Variants in CPNE3 observed in about 807,000 individuals in gnomAD.
CPNE3 encodes copine-3.
A neutral mutation model predicts 63.9 loss-of-function variants in CPNE3; 68 were observed. That is an observed-to-expected ratio of 1.06 (90% CI 0.87 to 1.30). The LOEUF (loss-of-function observed/expected upper bound fraction) is 1.30. Ranked by LOEUF, CPNE3 falls within the 50% of genes most tolerant of loss-of-function variation. The pLI is 0.00. For synonymous variants in CPNE3, 219 were observed against 197.5 expected (o/e 1.11, Z -0.91); for missense variants, 665 against 578.1 (o/e 1.15, Z -1.54).
rs869225401 is a variant in CPNE3 at position 86,527,946 on chromosome 8, ATTT to A, written c.-10-567_-10-565del. Among the ~76,000 whole-genome samples the A allele has an allele frequency of 3.8e-3, 326 of 85,966 alleles. 7 individuals carry two copies. The highest frequency in any genetic ancestry group is 0.017 in the African/African-American group (298 of 17,652). 56.4% of individuals were successfully genotyped at this position (85,966 alleles called of 152,430 possible). On this transcript the variant is annotated intron_variant, in intron 2 of 16. Coordinates refer to ENST00000517490, the MANE Select transcript of CPNE3 (RefSeq NM_003909.5). ...AAATTTATAGTTAAGGTAAAAAGAA[ATTT>A]TTTTTTTTTTTTTTTTTTTTTTAGA...
chr8:86,520,876 C>T (rs1389137381), intron 2 of CPNE3, among the ~76,000 whole-genome samples: 1 of 152,072 alleles, frequency 6.6e-6, no homozygotes, highest in Non-Finnish European at 1.5e-5. Context: ...TGGTCTCAAA[C>T]TCCTGACCTC....
intron 14 of CPNE3, among the ~76,000 whole-genome samples, chr8:86,552,862 G>A (rs62510846): frequency 0.27 from 30,717 of 112,740 alleles, 5,772 homozygotes; most frequent in Non-Finnish European, 0.4. Context: ...TTTTCGAGAC[G>A]AAGTCTTGCT....
At chr8:86,515,435 G>A (rs1370089466) in intron 1 of CPNE3, 27 bp from the exon 2 acceptor site, 1 of 152,186 alleles carries the variant, frequency 6.6e-6, no homozygotes, top group Non-Finnish European at 1.5e-5. Flanking sequence ...ACTTATTAAA[G>A]TGATGTTACT....
chr8:86,531,304 G>A (rs1027936909), intron 5 of CPNE3, 75 bp downstream of exon 5: 4 of 777,420 alleles, frequency 5.1e-6, no homozygotes, highest in Non-Finnish European at 6.9e-6. Flanking sequence ...CCATATCAGA[G>A]AAATATTCTA....
intron 1 of CPNE3, chr8:86,514,839 C>T (rs1434721597): frequency 1.3e-5 from 2 of 152,330 alleles, no homozygotes; most frequent in Non-Finnish European, 2.9e-5. Flanking sequence ...CCGCCTGGGC[C>T]TGGCGCTCGC....
intron 6 of CPNE3, 53 bp from the exon 7 acceptor site, chr8:86,537,510 T>C (rs1432492053): frequency 9.1e-7 from 1 of 1,093,382 alleles, no homozygotes; most frequent in East Asian, 2.4e-5. Context: ...TCACACATGG[T>C]TTCATGGGTT....
intron 6 of CPNE3, among the ~76,000 whole-genome samples, chr8:86,534,472 A>G (rs569935815): frequency 1.3e-5 from 2 of 152,296 alleles, no homozygotes; most frequent in South Asian, 2.1e-4. Context: ...CCTGGCCAAC[A>G]TGGTGAAACA....
At chr8:86,517,078 C>T (rs1360637162) in intron 2 of CPNE3, among the ~76,000 whole-genome samples, 1 of 152,176 alleles carries the variant, frequency 6.6e-6, no homozygotes, top group African/African-American at 2.4e-5. Flanking sequence ...AATCTAGCTT[C>T]CTTCCCACCA....
At chr8:86,532,001 T>C (rs1820694708) in intron 5 of CPNE3, among the ~76,000 whole-genome samples, 1 of 152,206 alleles carries the variant, frequency 6.6e-6, no homozygotes, top group Non-Finnish European at 1.5e-5. Context: ...GTTCAGGGTG[T>C]TGATTTTTGT....
Position 86,546,665 on chromosome 8 carries a change from G to T in CPNE3, c.803G>T (p.Ser268Ile), listed in dbSNP as rs781548513. ...KKSYKNSGVI[S>I]VKQCEITVEC... ...AGCTACAAGAATTCAGGTGTTATCAGTGTGAAACAGTGTGAGGTCCGTTGG... is the reference window on the plus strand; with the variant it reads ...AGCTACAAGAATTCAGGTGTTATCATTGTGAAACAGTGTGAGGTCCGTTGG... Residue 268 changes from serine (S) to isoleucine (I), a missense_variant, in exon 10 of 17, where the codon AGT (serine) becomes ATT (isoleucine). Transcript: ENST00000517490. The T allele has an allele frequency of 2.5e-6, 4 of 1,610,946 alleles. No homozygotes were observed. The highest frequency in any genetic ancestry group is 1.7e-5 in the Admixed American group (1 of 59,372).
intron 7 of CPNE3, among the ~76,000 whole-genome samples, chr8:86,539,660 GTTT>G (rs369540210): frequency 9.2e-6 from 1 of 108,152 alleles, no homozygotes; most frequent in Non-Finnish European, 1.8e-5. Flanking sequence ...ATCCTCCGCA[GTTT>G]TTTTTTTTTT....
At chr8:86,551,585 TA>T (rs1277996060) in intron 14 of CPNE3, 1 of 166,858 alleles carries the variant, frequency 6.0e-6, no homozygotes, top group Non-Finnish European at 1.3e-5. Context: ...TAAATTTATT[TA>T]AAAACAAACC....
At chr8:86,525,722 T>C (rs1359791979) in intron 2 of CPNE3, among the ~76,000 whole-genome samples, 1 of 152,212 alleles carries the variant, frequency 6.6e-6, no homozygotes, top group Non-Finnish European at 1.5e-5. Context: ...TGTTGAATTC[T>C]TCCCATCCTT....
At chr8:86,557,909 T>C (rs7462327) in intron 16 of CPNE3, among the ~76,000 whole-genome samples, 127,149 of 152,120 alleles carry the variant, frequency 0.84, 53,888 homozygotes, top group African/African-American at 0.92. Flanking sequence ...GAAGGGTGCA[T>C]GGTACCTTTC....
At chr8:86,539,117 A>G (rs1820870664) in intron 7 of CPNE3, among the ~76,000 whole-genome samples, 1 of 152,188 alleles carries the variant, frequency 6.6e-6, no homozygotes, top group African/African-American at 2.4e-5. Context: ...ATCATTATAA[A>G]TTCATGGATT....
At chr8:86,537,751 C>T in intron 7 of CPNE3, 105 bp downstream of exon 7, 1 of 720,122 alleles carries the variant, frequency 1.4e-6, no homozygotes. Context: ...TGAGTTCATA[C>T]TTACATATAG....
rs547156074 is a variant in CPNE3 at position 86,539,383 on chromosome 8, C to G, written c.544-862C>G. On this transcript the variant is annotated intron_variant, in intron 7 of 16. Transcript: ENST00000517490. Reference sequence around the variant, plus strand: ...GCAAGAGGGTAGTAGTATTTAGACACTGACATCTGAGTGCTGAATGTGCTC... The same window carrying G: ...GCAAGAGGGTAGTAGTATTTAGACAGTGACATCTGAGTGCTGAATGTGCTC... Among the ~76,000 whole-genome samples, 8 of 152,328 alleles carry G rather than the reference C, an allele frequency of 5.3e-5. No homozygotes were observed. In the East Asian group the frequency reaches 1.5e-3, roughly 29 times the overall value.
At chr8:86,556,437 A>ATG in intron 16 of CPNE3, 99 bp downstream of exon 16, 1 of 775,214 alleles carries the variant, frequency 1.3e-6, no homozygotes, top group Non-Finnish European at 2.3e-6. Flanking sequence ...GGGTTAGAGG[A>ATG]TGTGTGAACA....
intron 4 of CPNE3, among the ~76,000 whole-genome samples, chr8:86,530,010 C>T (rs1015994413): frequency 6.6e-6 from 1 of 151,976 alleles, no homozygotes; most frequent in African/African-American, 2.4e-5. Context: ...AAAAAAATCC[C>T]AGTGTAGCTA....
Sources: gnomAD v4.1 joint callset for allele counts (sites outside exome capture counted in the v4.1 genomes callset) on GRCh38, gnomAD v4.1.1 for gene constraint, MANE v1.5 for transcripts, NCBI Gene and HGNC (gene_info 2026-07-23, HGNC 2026-07-21) for gene names.